Variants in ANKRD55 observed in about 807,000 individuals in gnomAD.
ANKRD55 encodes the protein ankyrin repeat domain-containing protein 55.
Under a neutral mutation model 60.6 loss-of-function variants are expected in ANKRD55, and 41 were observed. The ratio of observed to expected loss-of-function variants is 0.68; its 90% CI spans 0.53 to 0.88. The LOEUF is 0.88. Among genes scored for constraint, ANKRD55 ranks in the 40% least tolerant of loss-of-function variants. The pLI is 0.00. For synonymous variants in ANKRD55, 264 were observed against 290.3 expected, an observed-to-expected ratio of 0.91 and a Z score of 0.92; for missense variants, 732 against 767.6, an observed-to-expected ratio of 0.95 and a Z score of 0.55.
chr5:56,100,205 T>C lies in ANKRD55; in HGVS notation c.1823A>G (p.Asn608Ser), dbSNP rs1263262839. 3 of 1,614,126 alleles carry C rather than the reference T, an allele frequency of 1.9e-6. No homozygotes were observed. Among genetic ancestry groups the C allele is most frequent in the East Asian group, 2.2e-5 (1 of 44,888 alleles). ...CAGTTAATTTTCATCACTGGTGGGG[T>C]TGGCAGAATGTTCACTCTCTTCTGC... The part of the protein sequence containing the change: ...TAAEESEHSA[N>S]PTSDEN The change falls in exon 12 of 12, where the codon AAC (asparagine) becomes AGC (serine). Residue 608 changes from asparagine to serine, a missense_variant. Physicochemically the swap from Asn to Ser is conservative, Grantham distance 46. Coordinates refer to ENST00000341048, the MANE Select transcript of ANKRD55 (RefSeq NM_024669.3).
At chr5:56,146,504 C>T (rs189166263) in intron 6 of ANKRD55, among the ~76,000 whole-genome samples, 19 of 152,138 alleles carry the variant, frequency 1.2e-4, no homozygotes, top group Admixed American at 9.2e-4. Flanking sequence ...AGGCTGGTCT[C>T]GAGCTCCTGA....
At chr5:56,224,498 T>C (rs1382706279) in intron 2 of ANKRD55, among the ~76,000 whole-genome samples, 1 of 152,048 alleles carries the variant, frequency 6.6e-6, no homozygotes, top group Non-Finnish European at 1.5e-5. Flanking sequence ...AGAGCAGAAC[T>C]GAAGGAGATA....
intron 10 of ANKRD55, among the ~76,000 whole-genome samples, chr5:56,105,444 A>G (rs574109013): frequency 1.3e-5 from 2 of 152,330 alleles, no homozygotes; most frequent in South Asian, 4.1e-4. Flanking sequence ...TACAGAGATC[A>G]GGGTGACCTT....
At chr5:56,103,885 A>C (rs1401289989) in intron 10 of ANKRD55, among the ~76,000 whole-genome samples, 1 of 152,240 alleles carries the variant, frequency 6.6e-6, no homozygotes, top group East Asian at 1.9e-4. Context: ...GCATCTGTTT[A>C]AGTGAATCTC....
intron 10 of ANKRD55, among the ~76,000 whole-genome samples, chr5:56,110,091 T>C (rs1253493688): frequency 6.6e-6 from 1 of 151,524 alleles, no homozygotes; most frequent in East Asian, 1.9e-4. Context: ...CTATCATCTA[T>C]CTATCTGTCT....
At chr5:56,163,931 G>A (rs1758389098) in intron 5 of ANKRD55, among the ~76,000 whole-genome samples, 1 of 151,976 alleles carries the variant, frequency 6.6e-6, no homozygotes, top group Non-Finnish European at 1.5e-5. Context: ...GTCTGTAATA[G>A]AAATAGAAAA....
intron 2 of ANKRD55, among the ~76,000 whole-genome samples, chr5:56,192,208 C>T (rs960447217): frequency 6.6e-6 from 1 of 152,176 alleles, no homozygotes. Flanking sequence ...GGTCTTGCCT[C>T]TCTCACTGCT....
chr5:56,143,054 T>A (rs779891895), intron 7 of ANKRD55, among the ~76,000 whole-genome samples: 124 of 152,178 alleles, frequency 8.1e-4, no homozygotes, highest in Non-Finnish European at 1.6e-3. Context: ...GCAGAAACTA[T>A]TCTCACAGGG....
At chr5:56,108,127 C>A (rs2111666200) in intron 10 of ANKRD55, 1 of 152,290 alleles carries the variant, frequency 6.6e-6, no homozygotes, top group Admixed American at 6.5e-5. Context: ...CCTCCCTTGG[C>A]CTCTCAAAGT....
chr5:56,194,511 A>G (rs1759186637), intron 2 of ANKRD55, among the ~76,000 whole-genome samples: 1 of 152,114 alleles, frequency 6.6e-6, no homozygotes, highest in South Asian at 2.1e-4. Context: ...AAGCTAAAAT[A>G]AGACTGGCAC....
intron 5 of ANKRD55, among the ~76,000 whole-genome samples, chr5:56,166,115 T>TTTCTTTCTTTCTTTCTTTCTTTC (rs1561277701): frequency 3.5e-5 from 2 of 57,926 alleles, no homozygotes; most frequent in African/African-American, 1.3e-4. Flanking sequence ...TCTTTCTTTC[T>TTTCTTTCTTTCTTTCTTTCTTTC]TTCTTTCTTT....
intron 6 of ANKRD55, among the ~76,000 whole-genome samples, chr5:56,145,552 T>C (rs1358300224): frequency 6.6e-6 from 1 of 152,244 alleles, no homozygotes; most frequent in Non-Finnish European, 1.5e-5. Flanking sequence ...TAGGCCTTTA[T>C]TGTGTCAGGC....
intron 3 of ANKRD55, among the ~76,000 whole-genome samples, chr5:56,183,037 C>T (rs1025104992): frequency 8.5e-5 from 13 of 152,248 alleles, no homozygotes; most frequent in African/African-American, 2.9e-4. Flanking sequence ...AGAAGAAAAC[C>T]CTGGGCACTT....
At position 56,226,202 on chromosome 5, in the gene ANKRD55, G is replaced by C. The variant is rs139482246; in HGVS notation, c.58+6654C>G. On this transcript the variant is annotated intron_variant, in intron 2 of 11. Transcript: ENST00000341048. ...ACACATCTAAAACCATCTGATCTTT[G>C]AGAAATCTGACAAAAACAAGAAATG... Among the ~76,000 whole-genome samples the C allele has an allele frequency of 9.5e-3, 1,447 of 152,258 alleles. 24 individuals are homozygous for C. Among genetic ancestry groups the C allele is most frequent in the African/African-American group, 0.033 (1,367 of 41,566 alleles).
intron 8 of ANKRD55, among the ~76,000 whole-genome samples, chr5:56,120,077 G>A (rs1000834223): frequency 6.9e-5 from 10 of 145,436 alleles, no homozygotes; most frequent in African/African-American, 1.5e-4. Flanking sequence ...TTGCTCTGTT[G>A]CCAGGCTGGA....
Position 56,120,041 on chromosome 5 carries a change from AT to A in ANKRD55, c.798-3260del, listed in dbSNP as rs34414624. Among the ~76,000 whole-genome samples, 638 of 144,128 alleles carry A rather than the reference AT, an allele frequency of 4.4e-3. 2 individuals are homozygous for A. The highest frequency in any genetic ancestry group is 0.014 in the Middle Eastern group (4 of 276). 94.6% of individuals were successfully genotyped at this position (144,128 alleles called of 152,430 possible). On this transcript the variant is annotated intron_variant, in intron 8 of 11. Coordinates refer to ENST00000341048, the MANE Select transcript of ANKRD55 (RefSeq NM_024669.3). ...TACATAGCCAACTTTTCTCAACACC[AT>A]TTTTTTTTTTTTTGAGACATAGTCT... is the stretch of plus-strand genomic sequence containing the variant.
chr5:56,233,257 A>C lies in ANKRD55; in HGVS notation c.-50T>G. ...GCCACCTGCCTTGGATCTGGGCTGG[A>C]AAAACACAGCAGATCACGGAGCTTC... On this transcript the variant is annotated 5_prime_UTR_variant, in exon 1 of 12. Coordinates refer to ENST00000341048, the MANE Select transcript of ANKRD55 (RefSeq NM_024669.3). The C allele has an allele frequency of 3.6e-6, 1 of 277,764 alleles. No individual in the cohort carries two copies. Among genetic ancestry groups the C allele is most frequent in the Non-Finnish European group, 6.8e-6 (1 of 146,200 alleles). 17.2% of individuals were successfully genotyped at this position (277,764 alleles called of 1,614,324 possible).
intron 2 of ANKRD55, among the ~76,000 whole-genome samples, chr5:56,184,899 A>G (rs1758934895): frequency 6.6e-6 from 1 of 151,952 alleles, no homozygotes; most frequent in East Asian, 1.9e-4. Flanking sequence ...GTCTTAAAAA[A>G]AAAAAAAGAA....
chr5:56,116,979 A>C, intron 8 of ANKRD55, 197 bp from the exon 9 acceptor site: 1 of 490,352 alleles, frequency 2.0e-6, no homozygotes, highest in Non-Finnish European at 3.6e-6. Flanking sequence ...CTCTAGCTCT[A>C]AGTATTCCCT....
Sources: gnomAD v4.1 joint callset for allele counts (sites outside exome capture counted in the v4.1 genomes callset) on GRCh38, gnomAD v4.1.1 for gene constraint, MANE v1.5 for transcripts, NCBI Gene and HGNC (gene_info 2026-07-23, HGNC 2026-07-21) for gene names.